Variants in TDRD1 observed in about 807,000 individuals in gnomAD.
TDRD1 encodes the protein tudor domain containing 1.
Under a neutral mutation model 140.6 loss-of-function variants are expected in TDRD1, and 37 were observed. That is an observed-to-expected ratio of 0.26 (90% CI 0.20 to 0.35). The LOEUF is 0.35. Among genes scored for constraint, TDRD1 ranks in the 10% least tolerant of loss-of-function variants. The probability of loss-of-function intolerance (pLI) is 1.00; values close to 1 mark genes in which losing one functional copy is unlikely to be tolerated. For synonymous variants in TDRD1, 506 were observed against 475.7 expected (o/e 1.06, Z -0.83); for missense variants, 1,243 against 1,393.0 (o/e 0.89, Z 1.71).
intron 3 of TDRD1, among the ~76,000 whole-genome samples, chr10:114,195,778 T>C (rs993389323): frequency 6.6e-6 from 1 of 152,258 alleles, no homozygotes; most frequent in African/African-American, 2.4e-5. Context: ...CCGTTTACAT[T>C]TGATGTAATT....
chr10:114,212,110 A>G, intron 14 of TDRD1, 74 bp downstream of exon 14: 2 of 1,373,784 alleles, frequency 1.5e-6, no homozygotes, highest in Admixed American at 5.4e-5. Flanking sequence ...TACACGAAAT[A>G]GGGAAAAGCT....
At position 114,226,226 on chromosome 10, in the gene TDRD1, T is replaced by A. The variant is rs1367672341; in HGVS notation, c.3175+10T>A. 1 of 1,587,642 alleles carries A rather than the reference T, an allele frequency of 6.3e-7. No individual in the cohort carries two copies. The highest frequency in any genetic ancestry group is 1.4e-5 in the African/African-American group (1 of 73,474). On this transcript the variant is annotated intron_variant, in intron 22 of 25. Coordinates refer to ENST00000251864, the Ensembl canonical transcript of TDRD1. ...AGATGTTCACTTGAAGGTAGACAGC[T>A]AAGTCACTTTCCAATTTAGGTTTCT...
At chr10:114,205,005 T>C in intron 10 of TDRD1, 112 bp downstream of exon 10, 3 of 909,098 alleles carry the variant, frequency 3.3e-6, no homozygotes, top group Middle Eastern at 3.6e-4. Flanking sequence ...TCTGGAGTCA[T>C]TCAGATTGTG....
intron 16 of TDRD1, among the ~76,000 whole-genome samples, chr10:114,215,630 T>A (rs997774458): frequency 6.6e-6 from 1 of 152,212 alleles, no homozygotes; most frequent in Admixed American, 6.5e-5. Context: ...AGTAGATAAC[T>A]AAGGCCCTGT....
At chr10:114,206,219 G>C (rs540991338) in intron 10 of TDRD1, 25 bp from the exon 11 acceptor site, 2 of 1,518,232 alleles carry the variant, frequency 1.3e-6, no homozygotes, top group Admixed American at 3.4e-5. Flanking sequence ...CTCAATGGAG[G>C]CATATTTTCT....
At chr10:114,181,868 C>T (rs2033099060) in intron 1 of TDRD1, among the ~76,000 whole-genome samples, 1 of 151,762 alleles carries the variant, frequency 6.6e-6, no homozygotes, top group Non-Finnish European at 1.5e-5. Flanking sequence ...AAAAATTCAC[C>T]CTTAAAAGCC....
intron 16 of TDRD1, among the ~76,000 whole-genome samples, chr10:114,216,987 G>A (rs1303313253): frequency 6.6e-6 from 1 of 152,160 alleles, no homozygotes; most frequent in Non-Finnish European, 1.5e-5. Context: ...CTCTCCAGTG[G>A]CCACTTCTCC....
At chr10:114,210,823 G>C (rs375158506) in intron 12 of TDRD1, 37 bp from the exon 13 acceptor site, 1 of 1,612,504 alleles carries the variant, frequency 6.2e-7, no homozygotes, top group Non-Finnish European at 8.5e-7. Context: ...ATAATGTATA[G>C]ATACGTATTT....
chr10:114,194,952 G>A (rs1309664409), intron 3 of TDRD1, among the ~76,000 whole-genome samples: 16 of 150,322 alleles, frequency 1.1e-4, no homozygotes, highest in African/African-American at 3.7e-4. Flanking sequence ...TAGATATGGG[G>A]GTCTTACTAT....
At chr10:114,179,236 G>C (rs1459077692), upstream of TDRD1, 1 of 152,352 alleles carries the variant, frequency 6.6e-6, no homozygotes, top group African/African-American at 2.4e-5. Context: ...TGGGCACATT[G>C]AGTTGCACGT....
At chr10:114,187,728 C>A in intron 1 of TDRD1, 98 bp from the exon 2 acceptor site, 1 of 1,107,700 alleles carries the variant, frequency 9.0e-7, no homozygotes, top group Non-Finnish European at 1.3e-6. Context: ...TAGGCATTAT[C>A]TGTTACGTAA....
In TDRD1 at chr10:114,211,096, G is replaced by A. The variant is rs2035453387; in HGVS notation, c.1660+129G>A. ...CTGGATTTAAAGCTTGAATATTAGA[G>A]TGAACCAATCATGTTTTTAAATAGA... On this transcript the variant is annotated intron_variant, in intron 13 of 25. Coordinates refer to ENST00000251864, the Ensembl canonical transcript of TDRD1. The A allele has an allele frequency of 3.3e-5, 23 of 691,714 alleles. No individual in the cohort carries two copies. In the South Asian group the frequency reaches 5.8e-4, roughly 17 times the overall value. 42.8% of individuals were successfully genotyped at this position (691,714 alleles called of 1,614,324 possible). A position where few individuals can be genotyped will look rare whatever the true frequency, so the allele number is the denominator to read the frequency against.
intron 5 of TDRD1, among the ~76,000 whole-genome samples, chr10:114,201,823 C>A (rs545455344): frequency 6.6e-6 from 1 of 152,284 alleles, no homozygotes; most frequent in East Asian, 1.9e-4. Flanking sequence ...CTCTTACATG[C>A]CTCTTGAGTT....
chr10:114,207,357 C>G (rs1041980550), intron 11 of TDRD1, among the ~76,000 whole-genome samples: 1 of 152,166 alleles, frequency 6.6e-6, no homozygotes, highest in African/African-American at 2.4e-5. Flanking sequence ...TTTATTGATT[C>G]TTCTTCCCAA....
At chr10:114,207,495 T>C (rs955249879) in intron 11 of TDRD1, among the ~76,000 whole-genome samples, 1 of 152,210 alleles carries the variant, frequency 6.6e-6, no homozygotes, top group Non-Finnish European at 1.5e-5. Flanking sequence ...TCTGCATTCT[T>C]AGAGTACTTG....
intron 16 of TDRD1, among the ~76,000 whole-genome samples, chr10:114,215,818 C>T (rs917290538): frequency 6.6e-6 from 1 of 152,038 alleles, no homozygotes; most frequent in Non-Finnish European, 1.5e-5. Context: ...AAACATGTTT[C>T]AAAAGTGTAT....
chr10:114,227,243 T>A, exon 23 of TDRD1: 1 of 1,614,188 alleles, frequency 6.2e-7, no homozygotes, highest in South Asian at 1.1e-5. Flanking sequence ...GATAAGCTAG[T>A]GACATTTGGT....
At chr10:114,202,417 A>G (rs776825827) in intron 6 of TDRD1, 119 bp downstream of exon 6, 18 of 644,220 alleles carry the variant, frequency 2.8e-5, no homozygotes, top group Non-Finnish European at 4.5e-5. Flanking sequence ...GTTTCCTATT[A>G]TATAAATATG....
intron 1 of TDRD1, among the ~76,000 whole-genome samples, chr10:114,182,538 T>C (rs1426678292): frequency 2.6e-5 from 4 of 152,236 alleles, no homozygotes; most frequent in African/African-American, 9.6e-5. Context: ...TGAAGTTTTG[T>C]TATTAAATTT....
Sources: gnomAD v4.1 joint callset for allele counts (sites outside exome capture counted in the v4.1 genomes callset) on GRCh38, gnomAD v4.1.1 for gene constraint, MANE v1.5 for transcripts, NCBI Gene and HGNC (gene_info 2026-07-23, HGNC 2026-07-21) for gene names.